The following VTI1B variants were observed in gnomAD, a reference collection of about 807,000 sequenced individuals.
VTI1B encodes vesicle transport through interaction with t-SNAREs 1B.
Under a neutral mutation model 28.6 loss-of-function variants are expected in VTI1B, and 18 were observed. That is an observed-to-expected ratio of 0.63 (90% CI 0.43 to 0.93). The LOEUF (loss-of-function observed/expected upper bound fraction) is 0.93, where lower values mean the gene tolerates loss of function less well. VTI1B is among the 40% of genes least tolerant of loss of function. VTI1B has a pLI of 0.00. For synonymous variants in VTI1B, 100 were observed against 107.9 expected, an observed-to-expected ratio of 0.93 and a Z score of 0.46; for missense variants, 283 against 297.0, an observed-to-expected ratio of 0.95 and a Z score of 0.35.
intron 4 of VTI1B, 55 bp from the exon 5 acceptor site, chr14:67,653,553 T>C (rs1392606402): frequency 9.5e-5 from 141 of 1,487,542 alleles, no homozygotes; most frequent in Middle Eastern, 1.7e-4. Context: ...CTCTGTACAA[T>C]TGAATATCCC....
chr14:67,657,912 C>A lies in VTI1B; in HGVS notation c.367-1323G>T, dbSNP rs140532451. 7.0e-3 allele frequency among the ~76,000 whole-genome samples: 1,059 copies of A among 152,200 alleles called. 15 individuals are homozygous for A. Among genetic ancestry groups the A allele is most frequent in the African/African-American group, 0.024 (1,006 of 41,514 alleles). ...TACAGGCACCCGCCACCACGCCCAG[C>A]TAATTTTTGTATTTTTAGTAGAGAC... On this transcript the variant is annotated intron_variant, in intron 3 of 5. Transcript: ENST00000554659.
rs997994846 is a variant in VTI1B at position 67,648,380 on chromosome 14, A to G, written c.*3005T>C. 5 of 470,430 alleles carry G rather than the reference A, an allele frequency of 1.1e-5. 1 individual carries two copies. The South Asian group carries it at 2.7e-4, about 26-fold the overall frequency. The allele number at this position is 470,430 out of a possible 1,614,324, so 29.1% of individuals were successfully genotyped here. A position where few individuals can be genotyped will look rare whatever the true frequency, so the allele number is the denominator to read the frequency against. On this transcript the variant is annotated 3_prime_UTR_variant, in exon 6 of 6. Coordinates refer to ENST00000554659, the MANE Select transcript of VTI1B (RefSeq NM_006370.3). ...AGAGTCATGCTTGGACATGGCTCTT[A>G]CCAAATTACACTAAGGTAATAATGA...
In VTI1B at chr14:67,648,545, G is replaced by C. The variant is rs939601152; in HGVS notation, c.*2840C>G. ...CAAGGCTGTAATTTGCACTCTAAGA[G>C]ATTGGTTCATTGGGAGTTGTGAATT... On this transcript the variant is annotated 3_prime_UTR_variant, in exon 6 of 6. Coordinates refer to ENST00000554659, the MANE Select transcript of VTI1B (RefSeq NM_006370.3). 2 of 163,286 alleles carry C rather than the reference G, an allele frequency of 1.2e-5. No individual in the cohort carries two copies. Among genetic ancestry groups the C allele is most frequent in the Non-Finnish European group, 2.6e-5 (2 of 75,530 alleles). 10.1% of individuals were successfully genotyped at this position (163,286 alleles called of 1,614,324 possible). A position where few individuals can be genotyped will look rare whatever the true frequency, so the allele number is the denominator to read the frequency against.
At chr14:67,664,235 G>A (rs772977332) in intron 1 of VTI1B, among the ~76,000 whole-genome samples, 1 of 152,134 alleles carries the variant, frequency 6.6e-6, no homozygotes, top group Non-Finnish European at 1.5e-5. Flanking sequence ...ACCACTAACT[G>A]TTCTCCAGAA....
intron 2 of VTI1B, 61 bp from the exon 3 acceptor site, chr14:67,659,983 T>G: frequency 6.6e-7 from 1 of 1,523,652 alleles, no homozygotes; most frequent in South Asian, 1.2e-5. Flanking sequence ...TTTGGAAATA[T>G]GCCTAGTTTG....
At chr14:67,659,697 G>A (rs74246590) in intron 3 of VTI1B, 34 bp downstream of exon 3, 419,231 of 1,439,534 alleles carry the variant, frequency 0.29, 54,708 homozygotes, top group Non-Finnish European at 0.31. Flanking sequence ...GCCCTTAAAG[G>A]AAAAAAAAAA....
chr14:67,666,771 T>C (rs1384321603), intron 1 of VTI1B, among the ~76,000 whole-genome samples: 1 of 152,170 alleles, frequency 6.6e-6, no homozygotes, highest in Non-Finnish European at 1.5e-5. Flanking sequence ...AGCAAATGTA[T>C]GGCAGCACTA....
intron 1 of VTI1B, among the ~76,000 whole-genome samples, chr14:67,666,184 T>C (rs2037400460): frequency 6.6e-6 from 1 of 152,182 alleles, no homozygotes; most frequent in South Asian, 2.1e-4. Flanking sequence ...TCCTAGCTCC[T>C]TCCTTTCCTA....
At chr14:67,651,575 T>G in intron 5 of VTI1B, 94 bp from the exon 6 acceptor site, 1 of 1,390,440 alleles carries the variant, frequency 7.2e-7, no homozygotes, top group Non-Finnish European at 9.7e-7. Flanking sequence ...GGCTGGATAC[T>G]CTGAGGCTGT....
intron 1 of VTI1B, among the ~76,000 whole-genome samples, chr14:67,669,436 C>CT (rs562106281): frequency 0.13 from 19,326 of 144,492 alleles, 1,485 homozygotes; most frequent in Middle Eastern, 0.25. Context: ...CACTACTCAG[C>CT]TTTTTTTTTT....
rs2234516 is a variant in VTI1B at position 67,659,869 on chromosome 14, G to A, written c.228C>T (p.Pro76=). The A allele has an allele frequency of 1.8e-3, 2,903 of 1,614,178 alleles. 52 individuals are homozygous for A. In the African/African-American group the frequency reaches 0.035, roughly 19 times the overall value. ...LRYAPLSFRN[P]MMSKLRNYRK... is the part of the protein sequence containing the mutation. ...GGTAGTTTCGAAGCTTAGACATCAT[G>A]GGGTTTCGGAAAGACAGGGGTGCAT... The change falls in exon 3 of 6, where the codon CCC becomes CCT. Residue 76 remains proline, a synonymous_variant. Coordinates refer to ENST00000554659, the MANE Select transcript of VTI1B (RefSeq NM_006370.3).
rs754454638 is a variant in VTI1B at position 67,674,329 on chromosome 14, G to T, written c.115+46C>A. On this transcript the variant is annotated intron_variant, in intron 1 of 5. Coordinates refer to ENST00000554659, the MANE Select transcript of VTI1B (RefSeq NM_006370.3). ...AAGGTGGGAGAATCTTCCTTCCAAAGCGCGCAGGGCTGCGCTCCCCACGGC... is the reference window on the plus strand; with the variant it reads ...AAGGTGGGAGAATCTTCCTTCCAAATCGCGCAGGGCTGCGCTCCCCACGGC... 3 of 1,486,774 alleles carry T rather than the reference G, an allele frequency of 2.0e-6. No individual in the cohort carries two copies. The South Asian group carries it at 3.7e-5, about 18-fold the overall frequency. The allele number at this position is 1,486,774 out of a possible 1,614,324, so 92.1% of individuals were successfully genotyped here. A position where few individuals can be genotyped will look rare whatever the true frequency, so the allele number is the denominator to read the frequency against.
intron 2 of VTI1B, 84 bp from the exon 3 acceptor site, chr14:67,660,006 T>G (rs2037316006): frequency 7.4e-7 from 1 of 1,346,524 alleles, no homozygotes; most frequent in African/African-American, 1.5e-5. Context: ...CTAATCAAAC[T>G]ACTTATTTAT....
intron 3 of VTI1B, among the ~76,000 whole-genome samples, chr14:67,659,527 G>A (rs1274938258): frequency 6.6e-6 from 1 of 151,328 alleles, no homozygotes; most frequent in Non-Finnish European, 1.5e-5. Context: ...ATCTAAATAT[G>A]CATATAGTTC....
intron 4 of VTI1B, among the ~76,000 whole-genome samples, chr14:67,656,174 A>G (rs1318154318): frequency 6.6e-6 from 1 of 151,722 alleles, no homozygotes; most frequent in Non-Finnish European, 1.5e-5. Flanking sequence ...TGAACCCAGG[A>G]TGCGGAGGTT....
At chr14:67,657,748 TTTC>T (rs2140815742) in intron 3 of VTI1B, among the ~76,000 whole-genome samples, 1 of 125,484 alleles carries the variant, frequency 8.0e-6, no homozygotes, top group African/African-American at 3.0e-5. Context: ...ATTTTCTTTC[TTTC>T]TTTTTTTTTT....
At position 67,674,631 on chromosome 14, in the gene VTI1B, G is replaced by A; in HGVS notation, c.-142C>T. On this transcript the variant is annotated 5_prime_UTR_variant, in exon 1 of 6. Transcript: ENST00000554659. Reference sequence around the variant, plus strand: ...CCCAGGACGAGGCTCTTCCGGAGCCGCGGCAGGGTCCTCTCGAGCCGGAAC... The same window carrying A: ...CCCAGGACGAGGCTCTTCCGGAGCCACGGCAGGGTCCTCTCGAGCCGGAAC... The A allele has an allele frequency of 1.7e-6, 1 of 591,340 alleles. No homozygotes were observed. Among genetic ancestry groups the A allele is most frequent in the Non-Finnish European group, 2.7e-6 (1 of 370,954 alleles). The allele number at this position is 591,340 out of a possible 1,614,324, so 36.6% of individuals were successfully genotyped here. A position where few individuals can be genotyped will look rare whatever the true frequency, so the allele number is the denominator to read the frequency against.
At chr14:67,662,955 T>G (rs1309952925) in intron 1 of VTI1B, 1 of 1,189,216 alleles carries the variant, frequency 8.4e-7, no homozygotes, top group Non-Finnish European at 1.1e-6. Flanking sequence ...CTGAAACCCC[T>G]CACCACTCCC....
intron 1 of VTI1B, among the ~76,000 whole-genome samples, chr14:67,672,735 A>G (rs1359749711): frequency 6.6e-6 from 1 of 151,648 alleles, no homozygotes; most frequent in Non-Finnish European, 1.5e-5. Flanking sequence ...GAGCCACCGT[A>G]CCCTGCCTGC....
Sources: allele counts gnomAD v4.1 joint callset (sites outside exome capture counted in the v4.1 genomes callset), GRCh38; gene constraint gnomAD v4.1.1; transcripts MANE v1.5; gene names NCBI Gene and HGNC (gene_info 2026-07-23, HGNC 2026-07-21).